ANKRD26: variants seen among roughly 807,000 people sequenced by gnomAD.
ANKRD26 encodes the protein ankyrin repeat domain-containing protein 26.
ANKRD26 carries 141 observed loss-of-function variants against 208.7 expected under a neutral mutation model. The observed-to-expected ratio is 0.68, with a 90% CI of 0.59 to 0.78. The LOEUF (loss-of-function observed/expected upper bound fraction) is 0.78. Ranked by LOEUF, ANKRD26 falls within the 30% of genes least tolerant of loss-of-function variation. The probability of loss-of-function intolerance (pLI) is 0.00; values close to 1 mark genes in which losing one functional copy is unlikely to be tolerated. For missense variants in ANKRD26, 1,889 were observed against 1,938.7 expected (o/e 0.97, Z 0.48); for synonymous variants, 636 against 660.4 (o/e 0.96, Z 0.57).
intron 21 of ANKRD26, among the ~76,000 whole-genome samples, chr10:27,038,618 T>TGC (rs939325584): frequency 6.7e-6 from 1 of 150,228 alleles, no homozygotes; most frequent in African/African-American, 2.5e-5. Flanking sequence ...GCCACTGCAC[T>TGC]CCAGCCTGGG....
chr10:27,061,843 C>G (rs1008501605), intron 12 of ANKRD26: 72 of 848,328 alleles, frequency 8.5e-5, no homozygotes, highest in Non-Finnish European at 9.6e-5. Flanking sequence ...GAGTGACAGG[C>G]AAACCACCAA....
downstream of ANKRD26, among the ~76,000 whole-genome samples, chr10:26,990,039 A>T (rs2052457968): frequency 6.6e-6 from 1 of 152,072 alleles, no homozygotes; most frequent in South Asian, 2.1e-4. Context: ...GTCTTCCCCC[A>T]TTTTGCTACT....
At chr10:27,099,858 GCTCT>G (rs1279426003) in intron 1 of ANKRD26, among the ~76,000 whole-genome samples, 3 of 21,570 alleles carry the variant, frequency 1.4e-4, no homozygotes, top group African/African-American at 2.1e-4. Context: ...TCACTTAAGT[GCTCT>G]CTAAGGGATT....
At chr10:27,055,890 T>C (rs1205385005) in intron 15 of ANKRD26, among the ~76,000 whole-genome samples, 1 of 152,224 alleles carries the variant, frequency 6.6e-6, no homozygotes, top group Non-Finnish European at 1.5e-5. Flanking sequence ...AATTCAGAGC[T>C]GTAAAAATAA....
chr10:26,976,157 G>A (rs183679201), intron 5 of ANKRD26, among the ~76,000 whole-genome samples: 3 of 152,198 alleles, frequency 2.0e-5, no homozygotes, highest in Admixed American at 6.5e-5. Flanking sequence ...ATTCTTGTTA[G>A]AACTAACAAT....
chr10:27,010,294 G>C (rs1260686835), intron 32 of ANKRD26, among the ~76,000 whole-genome samples: 3 of 151,878 alleles, frequency 2.0e-5, no homozygotes, highest in Non-Finnish European at 4.4e-5. Flanking sequence ...AGCTTATCTA[G>C]AAATACTAAA....
At chr10:26,960,868 TG>T in the ANKRD26 span, among the ~76,000 whole-genome samples, 1 of 151,916 alleles carries the variant, frequency 6.6e-6, no homozygotes, top group East Asian at 1.9e-4. Flanking sequence ...GGAACAACAG[TG>T]GGGGGTAGCC....
chr10:26,994,414 G>A (rs180921793), intron 5 of ANKRD26, among the ~76,000 whole-genome samples: 3 of 152,126 alleles, frequency 2.0e-5, no homozygotes, highest in African/African-American at 7.2e-5. Context: ...TATTCCATAA[G>A]GGGCATCTGA....
downstream of ANKRD26, among the ~76,000 whole-genome samples, chr10:26,989,719 C>T (rs1589170605): frequency 6.6e-6 from 1 of 152,038 alleles, no homozygotes; most frequent in Admixed American, 6.6e-5. Flanking sequence ...GAGGCTGCCA[C>T]GGGGGCTGTC....
At chr10:26,961,874 G>C in the ANKRD26 span, among the ~76,000 whole-genome samples, 1 of 146,744 alleles carries the variant, frequency 6.8e-6, no homozygotes, top group African/African-American at 2.4e-5. Flanking sequence ...GAACTGGAAG[G>C]CCTATGTTCA....
Position 27,077,692 on chromosome 10 carries a change from T to C in ANKRD26, c.815A>G (p.Asn272Ser). 6.2e-7 allele frequency: 1 copy of C among 1,611,328 alleles called. No homozygotes were observed. The highest frequency in any genetic ancestry group is 1.3e-5 in the African/African-American group (1 of 74,978). The change falls in exon 8 of 34, where the codon AAT becomes AGT. Residue 272 changes from asparagine to serine, a missense_variant and splice_region_variant. By Grantham distance (46) the Asn-to-Ser change is conservative. Coordinates refer to ENST00000376087, the MANE Select transcript of ANKRD26 (RefSeq NM_014915.3). ...CTTTGCTAAGCTTGGTTTTGGGACATTCTAGAAAACAAAAATAAGAATAAC... is the reference window on the plus strand; with the variant it reads ...CTTTGCTAAGCTTGGTTTTGGGACACTCTAGAAAACAAAAATAAGAATAAC... Reference protein sequence around the residue: ...DDEDLNFDTKNVPKPSLAKLM... With the variant: ...DDEDLNFDTKSVPKPSLAKLM...
At chr10:26,964,521 G>A in the ANKRD26 span, among the ~76,000 whole-genome samples, 1 of 152,164 alleles carries the variant, frequency 6.6e-6, no homozygotes, top group Non-Finnish European at 1.5e-5. Context: ...ACAGTCTCCT[G>A]CAACCAAGCA....
At chr10:26,987,456 G>GA (rs1320226061), downstream of ANKRD26, among the ~76,000 whole-genome samples, 1 of 152,174 alleles carries the variant, frequency 6.6e-6, no homozygotes, top group Non-Finnish European at 1.5e-5. Flanking sequence ...CTGGCTTGGG[G>GA]AAGAGGACCA....
intron 15 of ANKRD26, among the ~76,000 whole-genome samples, chr10:27,057,614 C>T (rs115274970): frequency 5.9e-5 from 9 of 152,236 alleles, no homozygotes; most frequent in African/African-American, 1.4e-4. Flanking sequence ...ACTTTTTAAG[C>T]CTTGGGTAAA....
At chr10:27,038,576 G>A (rs1425800149) in intron 21 of ANKRD26, among the ~76,000 whole-genome samples, 2 of 151,804 alleles carry the variant, frequency 1.3e-5, no homozygotes, top group African/African-American at 4.8e-5. Flanking sequence ...GCTTGAACCC[G>A]GGAGGCGGAT....
Position 27,013,904 on chromosome 10 carries a change from G to C in ANKRD26, c.4724+590C>G, listed in dbSNP as rs577547265. On this transcript the variant is annotated intron_variant, in intron 31 of 33. Transcript: ENST00000376087. ...CACACTCCCTCAGGCTGACCAAGGTGTTATTTTTAACCACTTTATAAAATA... is the reference window on the plus strand; with the variant it reads ...CACACTCCCTCAGGCTGACCAAGGTCTTATTTTTAACCACTTTATAAAATA... 2.0e-5 allele frequency among the ~76,000 whole-genome samples: 3 copies of C among 152,270 alleles called. No individual in the cohort carries two copies. The South Asian group carries it at 6.2e-4, about 32-fold the overall frequency.
chr10:27,011,505 G>T, intron 32 of ANKRD26, among the ~76,000 whole-genome samples: 1 of 146,826 alleles, frequency 6.8e-6, no homozygotes, highest in Non-Finnish European at 1.5e-5. Flanking sequence ...AAGCATAGTT[G>T]ATTTTTTTTT....
chr10:27,021,021 A>AT (rs2053470123), intron 29 of ANKRD26, among the ~76,000 whole-genome samples: 1 of 152,122 alleles, frequency 6.6e-6, no homozygotes, highest in South Asian at 2.1e-4. Flanking sequence ...AAGGGTACAT[A>AT]TGCAGGCTTG....
chr10:26,971,473 G>C (rs11015437), downstream of ANKRD26, among the ~76,000 whole-genome samples: 11,567 of 151,928 alleles, frequency 0.076, 1,041 homozygotes, highest in African/African-American at 0.22. Context: ...TCAGGAGTTC[G>C]AGACCAGTCT....
Sources: gnomAD v4.1 joint callset for allele counts (sites outside exome capture counted in the v4.1 genomes callset) on GRCh38, gnomAD v4.1.1 for gene constraint, MANE v1.5 for transcripts, NCBI Gene and HGNC (gene_info 2026-07-23, HGNC 2026-07-21) for gene names.